Variants in NLGN4X observed in about 807,000 individuals in gnomAD.
The protein encoded by NLGN4X is neuroligin 4 X-linked.
In NLGN4X, 3 loss-of-function variants were observed where a neutral mutation model predicts 40.3. The observed-to-expected ratio is 0.07, with a 90% CI of 0.03 to 0.19. The LOEUF (loss-of-function observed/expected upper bound fraction) is 0.19, where lower values mean the gene tolerates loss of function less well. Ranked by LOEUF, NLGN4X falls within the 10% of genes least tolerant of loss-of-function variation. NLGN4X has a pLI of 1.00. For synonymous variants in NLGN4X, 270 were observed against 306.8 expected (o/e 0.88, Z 1.25); for missense variants, 382 against 708.3 (o/e 0.54, Z 5.23).
At chrX:5,973,838 A>T (rs938318517) in intron 3 of NLGN4X, among the ~76,000 whole-genome samples, 4 of 111,292 alleles carry the variant, frequency 3.6e-5, no homozygotes, top group Non-Finnish European at 7.5e-5. Flanking sequence ...AGAAAAAAAA[A>T]GGTGTGTGAA....
At chrX:6,081,555 C>T (rs1392643953) in intron 2 of NLGN4X, among the ~76,000 whole-genome samples, 2 of 112,291 alleles carry the variant, frequency 1.8e-5, no homozygotes, top group Non-Finnish European at 3.8e-5. Context: ...TCCCAGTAAA[C>T]TGGCCTGCTT....
At chrX:5,970,528 C>T (rs1432290901) in intron 3 of NLGN4X, among the ~76,000 whole-genome samples, 1 of 111,511 alleles carries the variant, frequency 9.0e-6, no homozygotes, top group African/African-American at 3.3e-5. Context: ...AATCATATCT[C>T]CTCTCTGAAA....
At chrX:5,909,566 T>C (rs1319792743) in intron 3 of NLGN4X, among the ~76,000 whole-genome samples, 1 of 109,542 alleles carries the variant, frequency 9.1e-6, no homozygotes, top group African/African-American at 3.3e-5. Flanking sequence ...AGGTATCATT[T>C]CTGTGCACAT....
chrX:6,061,480 A>G (rs1346551619), intron 2 of NLGN4X, among the ~76,000 whole-genome samples: 2 of 111,942 alleles, frequency 1.8e-5, no homozygotes, highest in Non-Finnish European at 3.8e-5. Flanking sequence ...CCTTGAAAAT[A>G]TTTATTGATA....
intron 3 of NLGN4X, among the ~76,000 whole-genome samples, chrX:6,006,920 C>A (rs1204738777): frequency 9.0e-6 from 1 of 110,894 alleles, no homozygotes; most frequent in Non-Finnish European, 1.9e-5. Context: ...ATAGAAGTAT[C>A]ATTTGGCCCA....
intron 1 of NLGN4X, among the ~76,000 whole-genome samples, chrX:6,205,459 C>T (rs1389319888): frequency 8.0e-5 from 9 of 112,114 alleles, no homozygotes; most frequent in South Asian, 7.4e-4. Flanking sequence ...TAAAGAGGGT[C>T]GCATTAATCC....
At chrX:6,004,241 A>G (rs1400595234) in intron 3 of NLGN4X, among the ~76,000 whole-genome samples, 1 of 112,563 alleles carries the variant, frequency 8.9e-6, no homozygotes, top group Non-Finnish European at 1.9e-5. Context: ...GATTTAAAAT[A>G]TTTAAATGCT....
intron 1 of NLGN4X, among the ~76,000 whole-genome samples, chrX:6,202,139 A>G (rs965759636): frequency 9.1e-6 from 1 of 110,141 alleles, no homozygotes; most frequent in African/African-American, 3.3e-5. Flanking sequence ...CAAGCAGGAT[A>G]TGGGTTTGTT....
At chrX:6,039,011 T>C (rs1004194373) in intron 2 of NLGN4X, among the ~76,000 whole-genome samples, 1 of 111,109 alleles carries the variant, frequency 9.0e-6, no homozygotes, top group African/African-American at 3.3e-5. Context: ...AGATAGACAA[T>C]TGTTGAATTA....
At chrX:6,108,639 G>A (rs550327482) in intron 2 of NLGN4X, among the ~76,000 whole-genome samples, 3 of 111,371 alleles carry the variant, frequency 2.7e-5, no homozygotes, top group East Asian at 5.7e-4. Flanking sequence ...AGCCAAAATC[G>A]CTCTACTGCA....
At chrX:6,149,336 A>G (rs912861811) in intron 2 of NLGN4X, among the ~76,000 whole-genome samples, 2 of 111,866 alleles carry the variant, frequency 1.8e-5, no homozygotes, top group Non-Finnish European at 3.8e-5. Flanking sequence ...TAGCTCTACA[A>G]AATCACCAGA....
chrX:5,926,791 C>G (rs1428744820), intron 3 of NLGN4X, among the ~76,000 whole-genome samples: 1 of 97,397 alleles, frequency 1.0e-5, no homozygotes, highest in East Asian at 3.5e-4. Context: ...AGAGAGCATA[C>G]ACACACACAC....
intron 1 of NLGN4X, among the ~76,000 whole-genome samples, chrX:6,194,558 A>G (rs749177002): frequency 8.0e-5 from 9 of 112,055 alleles, no homozygotes; most frequent in South Asian, 3.8e-4. Flanking sequence ...TTGAAAAAAT[A>G]TTAATACAAA....
intron 2 of NLGN4X, among the ~76,000 whole-genome samples, chrX:6,046,189 T>C (rs1227218385): frequency 8.9e-6 from 1 of 111,856 alleles, no homozygotes; most frequent in Non-Finnish European, 1.9e-5. Context: ...CATTCATTGA[T>C]CCAGGTATAA....
At chrX:6,169,980 T>C (rs952691472) in intron 1 of NLGN4X, among the ~76,000 whole-genome samples, 1 of 111,089 alleles carries the variant, frequency 9.0e-6, no homozygotes, top group African/African-American at 3.3e-5. Flanking sequence ...CTGAAACCAC[T>C]GTATCTTGGT....
At chrX:6,227,853 CCCAA>C (rs1926519188) in intron 1 of NLGN4X, 1 of 110,041 alleles carries the variant, frequency 9.1e-6, no homozygotes, top group African/African-American at 3.3e-5. Context: ...TAAATGCGAC[CCCAA>C]CCAAGCCGGT....
At chrX:5,896,357 A>T (rs1198189893) in intron 5 of NLGN4X, among the ~76,000 whole-genome samples, 4 of 112,115 alleles carry the variant, frequency 3.6e-5, no homozygotes. Context: ...AAACTTGTGG[A>T]GATTATGATA....
rs756129500 is a variant in NLGN4X, at chrX:6,108,503, A to AAAAT, written c.472+42488_472+42491dup. Reference sequence around the variant, plus strand: ...AACATGGCAAAACCCTGTTTCTACAAAAATAAATAAATAAATAAATAAAAA... The same window carrying AAAAT: ...AACATGGCAAAACCCTGTTTCTACAAAAATAAATAAATAAATAAATAAATAAAAA... On this transcript the variant is annotated intron_variant, in intron 2 of 5. Transcript: ENST00000381095. 1.1e-3 allele frequency among the ~76,000 whole-genome samples: 118 copies of AAAAT among 109,946 alleles called. 1 individual carries two copies. The Middle Eastern group carries it at 0.014, about 13-fold the overall frequency.
intron 3 of NLGN4X, among the ~76,000 whole-genome samples, chrX:5,996,328 C>A (rs1333033937): frequency 3.6e-5 from 4 of 112,221 alleles, no homozygotes; most frequent in Non-Finnish European, 7.5e-5. Context: ...TCACAACTTT[C>A]CTCTCATCCT....
Sources: gnomAD v4.1 joint callset for allele counts (sites outside exome capture counted in the v4.1 genomes callset) on GRCh38, gnomAD v4.1.1 for gene constraint, MANE v1.5 for transcripts, NCBI Gene and HGNC (gene_info 2026-07-23, HGNC 2026-07-21) for gene names.